ADPRHL1: variants seen among roughly 807,000 people sequenced by gnomAD.
ADPRHL1 encodes ADP-ribosylhydrolase like 1, also known as inactive ADP-ribosyltransferase ARH2.
ADPRHL1 carries 43 observed loss-of-function variants against 44.1 expected under a neutral mutation model. The ratio of observed to expected loss-of-function variants is 0.98; its 90% CI spans 0.76 to 1.26. The LOEUF (loss-of-function observed/expected upper bound fraction) is 1.26, where lower values mean the gene tolerates loss of function less well. ADPRHL1 is among the 50% of genes most tolerant of loss of function. The pLI, the probability that ADPRHL1 is intolerant of heterozygous loss-of-function variation, is 0.00. For missense variants in ADPRHL1, 2,022 were observed against 2,496.9 expected, an observed-to-expected ratio of 0.81 and a Z score of 4.05; for synonymous variants, 878 against 1,017.4, an observed-to-expected ratio of 0.86 and a Z score of 2.61.
intron 7 of ADPRHL1, among the ~76,000 whole-genome samples, chr13:113,420,328 T>C (rs956987649): frequency 6.6e-6 from 1 of 152,112 alleles, no homozygotes; most frequent in African/African-American, 2.4e-5. Context: ...AGTTTGTAAA[T>C]AGACTCACTT....
At chr13:113,433,157 C>T (rs1019263493) in intron 3 of ADPRHL1, among the ~76,000 whole-genome samples, 4 of 152,204 alleles carry the variant, frequency 2.6e-5, no homozygotes, top group Admixed American at 6.5e-5. Flanking sequence ...ATGTGGCAGT[C>T]GCCCCGTTAC....
chr13:113,439,590 G>C (rs2044084019), intron 2 of ADPRHL1, among the ~76,000 whole-genome samples: 2 of 151,862 alleles, frequency 1.3e-5, no homozygotes, highest in Admixed American at 6.6e-5. Context: ...TTGGATTATA[G>C]GTGCCCACCA....
chr13:113,453,249 G>A lies in ADPRHL1; in HGVS notation c.189C>T (p.Ile63=), dbSNP rs1053914213. ...WPVSDNTIMH[I]ATAEALTTDY... is the part of the protein sequence containing the mutation. Reference sequence around the variant, plus strand: ...CTGTGGTGAGGGCCTCGGCGGTTGCGATGTGCATGATGGTGTTGTCACTCA... The same window carrying A: ...CTGTGGTGAGGGCCTCGGCGGTTGCAATGTGCATGATGGTGTTGTCACTCA... The change falls in exon 1 of 8, where the codon ATC becomes ATT. Residue 63 remains isoleucine, a synonymous_variant. Coordinates refer to ENST00000612156, the MANE Select transcript of ADPRHL1 (RefSeq NM_001394807.1). The surrounding 1 kb of genome is among the most constrained non-coding windows in gnomAD (Gnocchi z 5.4). 2.6e-5 allele frequency: 42 copies of A among 1,613,980 alleles called. No homozygotes were observed. Among genetic ancestry groups the A allele is most frequent in the Non-Finnish European group, 3.2e-5 (38 of 1,180,038 alleles).
chr13:113,416,684 A>G lies in ADPRHL1; in HGVS notation c.1061+6142T>C, dbSNP rs2043888723. On this transcript the variant is annotated intron_variant, in intron 7 of 7. Transcript: ENST00000612156. ...TAGGCACAATTTCTAACACATAATA[A>G]AAACACAATATAGTATATTATATTG... 3.3e-5 allele frequency among the ~76,000 whole-genome samples: 5 copies of G among 152,232 alleles called. No homozygotes were observed. In the South Asian group the frequency reaches 1.0e-3, roughly 32 times the overall value.
intron 7 of ADPRHL1, among the ~76,000 whole-genome samples, chr13:113,420,912 TACCCCTGGGACATGCCC>T (rs1202993405): frequency 5.4e-4 from 10 of 18,672 alleles, no homozygotes; most frequent in Admixed American, 4.2e-3. Flanking sequence ...GGGACACCAC[TACCCCTGGGACATGCCC>T]ACCCCTGGGA....
chr13:113,448,465 C>CAAAA (rs61278696), intron 1 of ADPRHL1, among the ~76,000 whole-genome samples: 717 of 39,842 alleles, frequency 0.018, 97 homozygotes, highest in African/African-American at 0.047. Flanking sequence ...GACTATGTCC[C>CAAAA]AAAAAAAAAA....
Position 113,433,883 on chromosome 13 carries a change from A to C in ADPRHL1, c.380-16T>G, listed in dbSNP as rs369286904. On this transcript the variant is annotated splice_polypyrimidine_tract_variant and intron_variant, in intron 2 of 7. Coordinates refer to ENST00000612156, the MANE Select transcript of ADPRHL1 (RefSeq NM_001394807.1). ...AACCCTGAGCCTGTGTGGAGAAGGAAGAGCTAGTTTAGACTTCTGCTCCAA... is the reference window on the plus strand; with the variant it reads ...AACCCTGAGCCTGTGTGGAGAAGGACGAGCTAGTTTAGACTTCTGCTCCAA... 5.6e-3 allele frequency: 8,613 copies of C among 1,531,952 alleles called. 36 individuals carry two copies. The highest frequency in any genetic ancestry group is 6.6e-3 in the Non-Finnish European group (7,511 of 1,131,260). The allele number at this position is 1,531,952 out of a possible 1,614,324, so 94.9% of individuals were successfully genotyped here.
At position 113,419,355 on chromosome 13, in the gene ADPRHL1, G is replaced by A. The variant is rs544631300; in HGVS notation, c.1061+3471C>T. On this transcript the variant is annotated intron_variant, in intron 7 of 7. Coordinates refer to ENST00000612156, the MANE Select transcript of ADPRHL1 (RefSeq NM_001394807.1). ...TGGTCTCAAACTCCTAAGCTCAAGCGATCCTCCCGCCTCAGCCTCCCAAAG... is the reference window on the plus strand; with the variant it reads ...TGGTCTCAAACTCCTAAGCTCAAGCAATCCTCCCGCCTCAGCCTCCCAAAG... Among the ~76,000 whole-genome samples the A allele has an allele frequency of 1.1e-4, 16 of 146,102 alleles. No individual in the cohort carries two copies. In the East Asian group the frequency reaches 2.0e-3, roughly 19 times the overall value.
intron 7 of ADPRHL1, among the ~76,000 whole-genome samples, chr13:113,417,562 T>G (rs572218256): frequency 6.6e-6 from 1 of 152,110 alleles, no homozygotes; most frequent in Non-Finnish European, 1.5e-5. Flanking sequence ...GATCAGGCGC[T>G]ATCCCTGCCT....
In ADPRHL1 at chr13:113,453,005, T is replaced by C. The variant is rs1361469012; in HGVS notation, c.214+219A>G. ...TCTTAATAACTGCAAAGTAAAGTAA[T>C]ACTGTCACCCTCAGAGAAACCACAG... is the stretch of plus-strand genomic sequence containing the variant. On this transcript the variant is annotated intron_variant, in intron 1 of 7. Coordinates refer to ENST00000612156, the MANE Select transcript of ADPRHL1 (RefSeq NM_001394807.1). This position sits in a 1 kb window ranked among gnomAD's most constrained non-coding sequence, Gnocchi z 5.4. 6.6e-6 allele frequency among the ~76,000 whole-genome samples: 1 copy of C among 152,216 alleles called. No individual in the cohort carries two copies.
Position 113,423,052 on chromosome 13 carries a change from G to A in ADPRHL1, c.908-73C>T, listed in dbSNP as rs1219570689. The A allele has an allele frequency of 3.7e-5, 59 of 1,586,050 alleles. No individual in the cohort carries two copies. The Admixed American group carries it at 4.0e-4, about 11-fold the overall frequency. ...CTCTGCAAGACCCCTGGGGCTGGCCGCCCCTAAGGTGGGCCAAACCCCAAT... is the reference window on the plus strand; with the variant it reads ...CTCTGCAAGACCCCTGGGGCTGGCCACCCCTAAGGTGGGCCAAACCCCAAT... On this transcript the variant is annotated intron_variant, in intron 6 of 7. Transcript: ENST00000612156.
intron 7 of ADPRHL1, among the ~76,000 whole-genome samples, chr13:113,415,269 C>A (rs536997012): frequency 1.2e-4 from 18 of 152,170 alleles, no homozygotes; most frequent in Non-Finnish European, 1.9e-4. Context: ...GGGTGAGAAA[C>A]GCCTGCCCGC....
chr13:113,429,654 C>T (rs549636605), intron 3 of ADPRHL1, among the ~76,000 whole-genome samples: 60 of 152,330 alleles, frequency 3.9e-4, no homozygotes, highest in Non-Finnish European at 7.9e-4. Context: ...TATCAGTTAA[C>T]GAGCCTGTGC....
chr13:113,406,045 C>G lies in ADPRHL1; in HGVS notation c.3237G>C (p.Gln1079His), dbSNP rs1595535797. ...TGATTTCCTCGGCAGCCTTCAGGGGCTGAGAAGACTCTATTAGCAGCGGCC... is the reference window on the plus strand; with the variant it reads ...TGATTTCCTCGGCAGCCTTCAGGGGGTGAGAAGACTCTATTAGCAGCGGCC... ...CRRPLLIESS[Q>H]PLKAAEEITS... is the part of the protein sequence containing the mutation. The change falls in exon 8 of 8, where the codon CAG becomes CAC. Residue 1079 changes from glutamine (Q) to histidine (H), a missense_variant. By Grantham distance (24) the Gln-to-His change is conservative. This residue lies in a region of ADPRHL1 where 1,221 missense variants were observed against 1,517.8 expected (regional missense o/e 0.80). Coordinates refer to ENST00000612156, the MANE Select transcript of ADPRHL1 (RefSeq NM_001394807.1). 1 of 1,232,176 alleles carries G rather than the reference C, an allele frequency of 8.1e-7. No individual in the cohort carries two copies. The highest frequency in any genetic ancestry group is 1.0e-6 in the Non-Finnish European group (1 of 988,036). The allele number at this position is 1,232,176 out of a possible 1,614,324, so 76.3% of individuals were successfully genotyped here. A position where few individuals can be genotyped will look rare whatever the true frequency, so the allele number is the denominator to read the frequency against.
intron 3 of ADPRHL1, among the ~76,000 whole-genome samples, chr13:113,432,680 G>C (rs779437488): frequency 6.6e-6 from 1 of 152,130 alleles, no homozygotes; most frequent in Non-Finnish European, 1.5e-5. Flanking sequence ...CGGCCAGGCC[G>C]GCAGAGCTGC....
At chr13:113,412,268 C>T (rs1230386849) in intron 7 of ADPRHL1, among the ~76,000 whole-genome samples, 1 of 152,214 alleles carries the variant, frequency 6.6e-6, no homozygotes, top group Non-Finnish European at 1.5e-5. Flanking sequence ...AGCTCCGCCT[C>T]CCAGGTTCAC....
intron 4 of ADPRHL1, among the ~76,000 whole-genome samples, chr13:113,428,643 C>G (rs554204781): frequency 1.4e-4 from 22 of 152,372 alleles, no homozygotes; most frequent in African/African-American, 5.3e-4. Flanking sequence ...GGCTGCCAGT[C>G]GCTTGGTGCC....
At chr13:113,412,888 AGCTCGGTTC>A in intron 7 of ADPRHL1, among the ~76,000 whole-genome samples, 5 of 39,316 alleles carry the variant, frequency 1.3e-4, no homozygotes, top group African/African-American at 1.8e-4. Context: ...CGCCCCGCAG[AGCTCGGTTC>A]ACCCACCGCC....
At chr13:113,449,009 C>T (rs1028145471) in intron 1 of ADPRHL1, 79 of 986,364 alleles carry the variant, frequency 8.0e-5, no homozygotes, top group Non-Finnish European at 9.4e-5. Flanking sequence ...CTGCTAAACG[C>T]TTGCCAAGTG....
Sources: gnomAD v4.1 joint callset for allele counts (sites outside exome capture counted in the v4.1 genomes callset) on GRCh38, gnomAD v4.1.1 for gene constraint, gnomAD v4.1.1 regional missense constraint, Gnocchi (gnomAD v3.1) non-coding constraint, MANE v1.5 for transcripts, NCBI Gene and HGNC (gene_info 2026-07-23, HGNC 2026-07-21) for gene names.